The following FILIP1L variants were observed in gnomAD, a reference collection of about 807,000 sequenced individuals.
The protein encoded by FILIP1L is filamin A-interacting protein 1-like.
A neutral mutation model predicts 96.6 loss-of-function variants in FILIP1L; 55 were observed. The ratio of observed to expected loss-of-function variants is 0.57; its 90% CI spans 0.46 to 0.71. The LOEUF is 0.71. Ranked by LOEUF, FILIP1L falls within the 30% of genes least tolerant of loss-of-function variation. FILIP1L has a pLI of 0.00. For missense variants in FILIP1L, 1,304 were observed against 1,321.2 expected, an observed-to-expected ratio of 0.99 and a Z score of 0.20; for synonymous variants, 467 against 473.9, an observed-to-expected ratio of 0.99 and a Z score of 0.19.
chr3:99,944,253 G>T (rs1707939183), intron 1 of FILIP1L, among the ~76,000 whole-genome samples: 1 of 152,144 alleles, frequency 6.6e-6, no homozygotes, highest in South Asian at 2.1e-4. Context: ...ATTGGGATTT[G>T]GCCAAGAACC....
chr3:99,967,965 G>A (rs1479278423), intron 1 of FILIP1L, among the ~76,000 whole-genome samples: 1 of 152,208 alleles, frequency 6.6e-6, no homozygotes, highest in East Asian at 1.9e-4. Context: ...CAGTACTTCA[G>A]CACATCTACT....
chr3:99,901,879 C>T (rs1166274530), intron 4 of FILIP1L, among the ~76,000 whole-genome samples: 2 of 152,038 alleles, frequency 1.3e-5, no homozygotes. Flanking sequence ...AGTGGTACCA[C>T]CTGCCTTGTC....
At chr3:99,907,404 C>T (rs1295954201) in intron 4 of FILIP1L, among the ~76,000 whole-genome samples, 2 of 152,048 alleles carry the variant, frequency 1.3e-5, no homozygotes, top group Non-Finnish European at 1.5e-5. Flanking sequence ...CCCACCACCA[C>T]GCCCAACTAA....
chr3:99,974,805 C>T (rs542222399), intron 1 of FILIP1L, among the ~76,000 whole-genome samples: 23 of 152,276 alleles, frequency 1.5e-4, no homozygotes, highest in African/African-American at 5.3e-4. Flanking sequence ...TACTTATATT[C>T]AAATAAAGAT....
rs150573668 is a variant in FILIP1L, at chr3:100,027,666, A to C, written c.-11+86387T>G. ...CAAGGTATTGCTGTTTAGAATATGG[A>C]AAATGTTGTGTGAATTATTTCAGCC... On this transcript the variant is annotated intron_variant, in intron 1 of 5. Transcript: ENST00000477258. Among the ~76,000 whole-genome samples, 23 of 152,282 alleles carry C rather than the reference A, an allele frequency of 1.5e-4. No individual in the cohort carries two copies. In the East Asian group the frequency reaches 4.4e-3, roughly 29 times the overall value.
intron 1 of FILIP1L, among the ~76,000 whole-genome samples, chr3:100,044,998 G>A (rs1020220958): frequency 5.9e-5 from 9 of 152,196 alleles, no homozygotes; most frequent in Non-Finnish European, 1.2e-4. Flanking sequence ...TAGCCTGGGC[G>A]TAGAGAGGAC....
At chr3:99,859,602 C>T (rs1449410315) in intron 4 of FILIP1L, among the ~76,000 whole-genome samples, 1 of 152,154 alleles carries the variant, frequency 6.6e-6, no homozygotes, top group Non-Finnish European at 1.5e-5. Context: ...ACTTTGATAG[C>T]CTGATTATGA....
chr3:99,843,938 T>G (rs532843916), intron 5 of FILIP1L, among the ~76,000 whole-genome samples: 8 of 152,204 alleles, frequency 5.3e-5, no homozygotes, highest in Non-Finnish European at 1.2e-4. Context: ...TTTATGAGAC[T>G]CTAGCTAATG....
chr3:99,986,870 A>G (rs1559715185), intron 1 of FILIP1L, among the ~76,000 whole-genome samples: 1 of 152,200 alleles, frequency 6.6e-6, no homozygotes, highest in Non-Finnish European at 1.5e-5. Context: ...CAAAATGTCT[A>G]TAGTGCCAAG....
intron 1 of FILIP1L, among the ~76,000 whole-genome samples, chr3:100,077,528 GA>G (rs2065868297): frequency 1.3e-5 from 2 of 152,308 alleles, no homozygotes; most frequent in South Asian, 4.1e-4. Flanking sequence ...ATGGAGAGGG[GA>G]GAAGAGTAAC....
In FILIP1L at chr3:99,828,930, A is replaced by G. The variant is rs1018017717; in HGVS notation, c.*1484T>C. ...TCAATGCTGCCTATCATCCCTCTCAATGCTGCCCATCATCCCTCTCAATGC... is the reference window on the plus strand; with the variant it reads ...TCAATGCTGCCTATCATCCCTCTCAGTGCTGCCCATCATCCCTCTCAATGC... On this transcript the variant is annotated 3_prime_UTR_variant, in exon 6 of 6. Transcript: ENST00000477258. Among the ~76,000 whole-genome samples, 4 of 150,994 alleles carry G rather than the reference A, an allele frequency of 2.6e-5. No homozygotes were observed. Among genetic ancestry groups the G allele is most frequent in the Non-Finnish European group, 5.9e-5 (4 of 67,724 alleles).
intron 1 of FILIP1L, among the ~76,000 whole-genome samples, chr3:99,984,254 T>G (rs1030438163): frequency 1.4e-4 from 22 of 152,222 alleles, no homozygotes; most frequent in African/African-American, 5.3e-4. Flanking sequence ...GCCATTCATG[T>G]ATTTATTATG....
intron 1 of FILIP1L, among the ~76,000 whole-genome samples, chr3:100,053,999 C>T (rs771441709): frequency 2.0e-5 from 3 of 152,324 alleles, no homozygotes; most frequent in East Asian, 3.9e-4. Context: ...TCTGGACATT[C>T]GGCTTACTTA....
chr3:100,056,819 A>G (rs1221707366), intron 1 of FILIP1L, among the ~76,000 whole-genome samples: 1 of 152,056 alleles, frequency 6.6e-6, no homozygotes, highest in African/African-American at 2.4e-5. Flanking sequence ...CCTGGCTAAC[A>G]CAGTGAAACC....
In FILIP1L at chr3:100,098,043, A is replaced by G. The variant is rs2066241549; in HGVS notation, c.-11+16010T>C. On this transcript the variant is annotated intron_variant, in intron 1 of 5. Coordinates refer to ENST00000477258, the MANE Select transcript of FILIP1L (RefSeq NM_001387850.1). Reference sequence around the variant, plus strand: ...TGCCACATTGCTATTTGAAAAATCTAGTAAAACAAGAATAGCAACAAGATC... The same window carrying G: ...TGCCACATTGCTATTTGAAAAATCTGGTAAAACAAGAATAGCAACAAGATC... Among the ~76,000 whole-genome samples, 5 of 152,256 alleles carry G rather than the reference A, an allele frequency of 3.3e-5. No individual in the cohort carries two copies. The South Asian group carries it at 1.0e-3, about 31-fold the overall frequency.
chr3:99,921,447 T>C (rs928977674), intron 4 of FILIP1L, among the ~76,000 whole-genome samples: 1 of 152,134 alleles, frequency 6.6e-6, no homozygotes. Context: ...TGGACGTGAA[T>C]GGGCCCACAC....
intron 1 of FILIP1L, among the ~76,000 whole-genome samples, chr3:100,054,648 G>A (rs957702081): frequency 6.6e-6 from 1 of 152,076 alleles, no homozygotes; most frequent in Non-Finnish European, 1.5e-5. Context: ...GTGGCTCAAA[G>A]AAACCATGCT....
chr3:100,001,338 A>G lies in FILIP1L; in HGVS notation c.-10-70308T>C, dbSNP rs893597379. Among the ~76,000 whole-genome samples the G allele has an allele frequency of 5.3e-5, 8 of 152,350 alleles. No homozygotes were observed. The South Asian group carries it at 1.7e-3, about 32-fold the overall frequency. On this transcript the variant is annotated intron_variant, in intron 1 of 5. Transcript: ENST00000477258. ...ATCGCTGTTTCTGTGACGCAGTGTC[A>G]GAGGTGAGTAGCTGCGACAGAGATC...
chr3:100,069,981 T>C (rs1199534684), intron 1 of FILIP1L, among the ~76,000 whole-genome samples: 1 of 152,244 alleles, frequency 6.6e-6, no homozygotes, highest in Admixed American at 6.5e-5. Context: ...TCCTTTTTTT[T>C]CCTTTTATTT....
Sources: allele counts gnomAD v4.1 joint callset (sites outside exome capture counted in the v4.1 genomes callset), GRCh38; gene constraint gnomAD v4.1.1; transcripts MANE v1.5; gene names NCBI Gene and HGNC (gene_info 2026-07-23, HGNC 2026-07-21).